The following GRID1 variants were observed in gnomAD, a reference collection of about 807,000 sequenced individuals.
GRID1 encodes the protein glutamate receptor ionotropic, delta-1.
In GRID1, 28 loss-of-function variants were observed where a neutral mutation model predicts 98.0. That is an observed-to-expected ratio of 0.29 (90% CI 0.21 to 0.39). The LOEUF is 0.39. GRID1 is among the 10% of genes least tolerant of loss of function. The pLI, the probability that GRID1 is intolerant of heterozygous loss-of-function variation, is 1.00. For synonymous variants in GRID1, 553 were observed against 538.5 expected, an observed-to-expected ratio of 1.03 and a Z score of -0.37; for missense variants, 1,111 against 1,340.5, an observed-to-expected ratio of 0.83 and a Z score of 2.67.
intron 2 of GRID1, among the ~76,000 whole-genome samples, chr10:86,293,499 C>T (rs1057008777): frequency 1.3e-5 from 2 of 152,234 alleles, no homozygotes; most frequent in African/African-American, 2.4e-5. Flanking sequence ...CTCTGCCAAG[C>T]AGAGCCATTT....
intron 4 of GRID1, among the ~76,000 whole-genome samples, chr10:85,929,955 G>A (rs1174453653): frequency 2.0e-5 from 3 of 152,068 alleles, no homozygotes. Flanking sequence ...TCCCTTCCCA[G>A]TATTTCCAAT....
At chr10:85,780,099 C>T (rs1332412008) in intron 8 of GRID1, among the ~76,000 whole-genome samples, 1 of 152,182 alleles carries the variant, frequency 6.6e-6, no homozygotes, top group African/African-American at 2.4e-5. Context: ...ATAAAAGGGG[C>T]AGAGCAGCTC....
intron 13 of GRID1, among the ~76,000 whole-genome samples, chr10:85,644,965 C>T (rs1843166643): frequency 6.6e-6 from 1 of 152,184 alleles, no homozygotes; most frequent in Non-Finnish European, 1.5e-5. Context: ...CTGTGGAAGG[C>T]CTGTGCAAGC....
At chr10:86,315,057 G>C (rs892887869) in intron 2 of GRID1, among the ~76,000 whole-genome samples, 3 of 152,064 alleles carry the variant, frequency 2.0e-5, no homozygotes, top group Non-Finnish European at 1.5e-5. Context: ...ACCCAGTTCA[G>C]AGCCGCCCTG....
chr10:86,120,503 A>G (rs1008965194), intron 4 of GRID1, among the ~76,000 whole-genome samples: 6 of 152,246 alleles, frequency 3.9e-5, no homozygotes, highest in Admixed American at 2.0e-4. Context: ...GCCAACCTTC[A>G]ATAAATGTTT....
intron 5 of GRID1, among the ~76,000 whole-genome samples, chr10:85,883,528 CTG>C (rs1173701034): frequency 1.4e-4 from 21 of 147,922 alleles, no homozygotes; most frequent in Non-Finnish European, 2.4e-4. Context: ...CTCTCTCTCT[CTG>C]TCTCTCTCTC....
At chr10:85,965,444 T>C (rs1018265109) in intron 4 of GRID1, among the ~76,000 whole-genome samples, 3 of 152,170 alleles carry the variant, frequency 2.0e-5, no homozygotes, top group Admixed American at 1.3e-4. Context: ...CACCGTGGAA[T>C]ACTATGCAGC....
chr10:85,735,173 A>G (rs1287130729), intron 8 of GRID1, among the ~76,000 whole-genome samples: 1 of 152,160 alleles, frequency 6.6e-6, no homozygotes, highest in Admixed American at 6.6e-5. Flanking sequence ...TGTTTACAGG[A>G]TCGATGAATT....
At chr10:85,889,938 T>A (rs1841171377) in intron 5 of GRID1, among the ~76,000 whole-genome samples, 1 of 152,136 alleles carries the variant, frequency 6.6e-6, no homozygotes. Flanking sequence ...AATGCACATA[T>A]TCGGGGGTAT....
intron 4 of GRID1, among the ~76,000 whole-genome samples, chr10:85,975,147 C>T (rs1842455575): frequency 6.6e-6 from 1 of 152,224 alleles, no homozygotes; most frequent in African/African-American, 2.4e-5. Context: ...CTACATGTGG[C>T]TCTGTTAGTC....
At chr10:85,829,499 T>C (rs1205675399) in intron 8 of GRID1, among the ~76,000 whole-genome samples, 1 of 151,988 alleles carries the variant, frequency 6.6e-6, no homozygotes, top group East Asian at 1.9e-4. Context: ...AGCAAGAGAT[T>C]GGAAGTCAAA....
intron 8 of GRID1, among the ~76,000 whole-genome samples, chr10:85,810,826 C>A (rs1036030427): frequency 1.3e-5 from 2 of 152,150 alleles, no homozygotes; most frequent in African/African-American, 4.8e-5. Context: ...CCAACCCTGG[C>A]AGACCCACTC....
chr10:85,992,183 A>C (rs1842688465), intron 4 of GRID1, among the ~76,000 whole-genome samples: 1 of 152,066 alleles, frequency 6.6e-6, no homozygotes, highest in South Asian at 2.1e-4. Context: ...AGGGGTTGAA[A>C]GGAGAAGACA....
At chr10:86,188,171 C>T (rs751734277) in intron 3 of GRID1, among the ~76,000 whole-genome samples, 9 of 152,240 alleles carry the variant, frequency 5.9e-5, no homozygotes, top group Non-Finnish European at 1.2e-4. Context: ...TTCTTCATTG[C>T]ACAGATGGAA....
At chr10:86,165,837 G>T (rs1168519209) in intron 3 of GRID1, among the ~76,000 whole-genome samples, 1 of 152,140 alleles carries the variant, frequency 6.6e-6, no homozygotes, top group Non-Finnish European at 1.5e-5. Context: ...GGCAGGAACC[G>T]ACATTCAGCA....
At chr10:85,644,803 G>A (rs1843164869) in intron 13 of GRID1, among the ~76,000 whole-genome samples, 2 of 152,176 alleles carry the variant, frequency 1.3e-5, no homozygotes, top group African/African-American at 2.4e-5. Flanking sequence ...TTAACCAACT[G>A]TTACTCCACG....
intron 2 of GRID1, among the ~76,000 whole-genome samples, chr10:86,299,793 A>C (rs1030411731): frequency 2.0e-5 from 3 of 152,114 alleles, no homozygotes; most frequent in Non-Finnish European, 4.4e-5. Flanking sequence ...CCTGGTTCCC[A>C]CTGACACTTG....
intron 8 of GRID1, among the ~76,000 whole-genome samples, chr10:85,794,720 A>G (rs761105902): frequency 9.9e-5 from 15 of 152,236 alleles, no homozygotes; most frequent in Non-Finnish European, 1.5e-4. Context: ...AGTATTTACC[A>G]CTGGGTGCTA....
chr10:85,619,829 C>A (rs1842837440), intron 14 of GRID1, 38 bp downstream of exon 14: 1 of 1,545,366 alleles, frequency 6.5e-7, no homozygotes, highest in Non-Finnish European at 8.9e-7. Flanking sequence ...CCACTAGAGT[C>A]CTGAGGCAGC....
Sources: gnomAD v4.1 joint callset for allele counts (sites outside exome capture counted in the v4.1 genomes callset) on GRCh38, gnomAD v4.1.1 for gene constraint, MANE v1.5 for transcripts, NCBI Gene and HGNC (gene_info 2026-07-23, HGNC 2026-07-21) for gene names.